Variants in A2ML1 observed in about 807,000 individuals in gnomAD.
A2ML1 encodes alpha-2-macroglobulin like 1.
A2ML1 carries 161 observed loss-of-function variants against 181.9 expected under a neutral mutation model. That is an observed-to-expected ratio of 0.89 (90% CI 0.78 to 1.01). A2ML1 has a LOEUF of 1.01. Ranked by LOEUF, A2ML1 falls within the 50% of genes least tolerant of loss-of-function variation. A2ML1 has a pLI of 0.00. For synonymous variants in A2ML1, 663 were observed against 666.8 expected, an observed-to-expected ratio of 0.99 and a Z score of 0.09; for missense variants, 1,670 against 1,768.1, an observed-to-expected ratio of 0.94 and a Z score of 1.00.
At position 8,846,152 on chromosome 12, in the gene A2ML1, C is replaced by A. The variant is rs770464330; in HGVS notation, c.1613C>A (p.Ala538Asp). 6.2e-7 allele frequency: 1 copy of A among 1,614,158 alleles called. No homozygotes were observed. The change falls in exon 14 of 36, where the codon GCC (alanine) becomes GAC (aspartate). Residue 538 changes from alanine to aspartate, a missense_variant. Coordinates refer to ENST00000299698, the MANE Select transcript of A2ML1 (RefSeq NM_144670.6). ...LAPDPSLVIY[A>D]IFPSGGVVAD... ...CCTGATCCTTCCCTGGTGATCTATGCCATTTTTCCCAGTGGAGGTGTTGTA... is the reference window on the plus strand; with the variant it reads ...CCTGATCCTTCCCTGGTGATCTATGACATTTTTCCCAGTGGAGGTGTTGTA...
chr12:8,857,804 A>G, intron 25 of A2ML1, 142 bp from the exon 26 acceptor site: 2 of 1,270,418 alleles, frequency 1.6e-6, no homozygotes, highest in Non-Finnish European at 2.2e-6. Flanking sequence ...GTGCCCATTA[A>G]TGCCTCTCTT....
At position 8,874,367 on chromosome 12, in the gene A2ML1, CAT is replaced by C; in HGVS notation, c.4222-56_4222-55del. ...AGCAAGGGTCTTTTATTCCACATTGCATACAGTGTAATTTTCATTTTACTTCT... is the reference window on the plus strand; with the variant it reads ...AGCAAGGGTCTTTTATTCCACATTGCACAGTGTAATTTTCATTTTACTTCT... On this transcript the variant is annotated intron_variant, in intron 33 of 35. Transcript: ENST00000299698. 3.0e-6 allele frequency: 4 copies of C among 1,333,420 alleles called. No individual in the cohort carries two copies. The South Asian group carries it at 4.7e-5, about 16-fold the overall frequency. 82.6% of individuals were successfully genotyped at this position (1,333,420 alleles called of 1,614,324 possible).
At chr12:8,858,241 A>C in intron 26 of A2ML1, 139 bp downstream of exon 26, 1 of 1,046,234 alleles carries the variant, frequency 9.6e-7, no homozygotes, top group Non-Finnish European at 1.3e-6. Flanking sequence ...GACCGTGATC[A>C]AAATGCTTAG....
At chr12:8,847,209 A>T in intron 14 of A2ML1, among the ~76,000 whole-genome samples, 1 of 132,576 alleles carries the variant, frequency 7.5e-6, no homozygotes, top group African/African-American at 2.9e-5. Context: ...TTGGCCTCCC[A>T]ATGTGCTGGG....
chr12:8,871,685 A>G (rs753982437), intron 33 of A2ML1, among the ~76,000 whole-genome samples: 1 of 152,278 alleles, frequency 6.6e-6, no homozygotes, highest in East Asian at 1.9e-4. Flanking sequence ...ATTTGAGACT[A>G]CATAATTAGA....
chr12:8,882,080 T>C lies in A2ML1; in HGVS notation c.*94+1464T>C, dbSNP rs757012704. On this transcript the variant is annotated intron_variant and NMD_transcript_variant, in intron 7 of 7. Transcript: ENST00000537475. ...GTGAAGATGTTGAGATAGTGGGATA[T>C]AAAGGGTCATGTCAACCATTAAAGA... 5.3e-5 allele frequency among the ~76,000 whole-genome samples: 8 copies of C among 151,838 alleles called. No homozygotes were observed. The South Asian group carries it at 6.3e-4, about 12-fold the overall frequency.
Position 8,876,702 on chromosome 12 carries a change from G to GTT in A2ML1, c.*650_*651dup, listed in dbSNP as rs1305799588. On this transcript the variant is annotated 3_prime_UTR_variant, in exon 36 of 36. Coordinates refer to ENST00000299698, the MANE Select transcript of A2ML1 (RefSeq NM_144670.6). ...AATAATAAATAATAATAATAATAATGTTTTTCTAGAGTTTCAGTCTAAGGG... is the reference window on the plus strand; with the variant it reads ...AATAATAAATAATAATAATAATAATGTTTTTTTCTAGAGTTTCAGTCTAAGGG... 3 of 151,962 alleles carry GTT rather than the reference G, an allele frequency of 2.0e-5. No individual in the cohort carries two copies. The highest frequency in any genetic ancestry group is 7.2e-5 in the African/African-American group (3 of 41,446). 9.4% of individuals were successfully genotyped at this position (151,962 alleles called of 1,614,324 possible). A position where few individuals can be genotyped will look rare whatever the true frequency, so the allele number is the denominator to read the frequency against.
At chr12:8,881,764 C>T (rs1427329498), downstream of A2ML1, among the ~76,000 whole-genome samples, 1 of 152,146 alleles carries the variant, frequency 6.6e-6, no homozygotes, top group Non-Finnish European at 1.5e-5. Flanking sequence ...GTAATCACAG[C>T]ACTTTGGGAG....
chr12:8,860,337 G>A (rs55823587), intron 26 of A2ML1, among the ~76,000 whole-genome samples: 44,230 of 152,104 alleles, frequency 0.29, 6,868 homozygotes, highest in Middle Eastern at 0.37. Flanking sequence ...ACCACTGTGC[G>A]TGACCACAAG....
chr12:8,828,378 C>T (rs1433750625), intron 3 of A2ML1, among the ~76,000 whole-genome samples: 1 of 152,152 alleles, frequency 6.6e-6, no homozygotes, highest in African/African-American at 2.4e-5. Flanking sequence ...TCTGTGGCCA[C>T]CACTACTCCA....
At chr12:8,823,469 G>C in intron 2 of A2ML1, 104 bp downstream of exon 2, 1 of 1,341,962 alleles carries the variant, frequency 7.5e-7, no homozygotes. Context: ...CTTTTGCCAC[G>C]GCCTCTAAAC....
chr12:8,845,444 A>G lies in A2ML1; in HGVS notation c.1479A>G (p.Leu493=). ...PDQEISFSYY[L]IGKGSLVMEG... ...GATTCTTTTCTTTTCTTCTTTAGTT[A>G]ATAGGGAAAGGAAGTTTGGTGATGG... is the stretch of plus-strand genomic sequence containing the variant. The change falls in exon 13 of 36, where the codon TTA becomes TTG. Residue 493 remains leucine, a splice_region_variant and synonymous_variant. Transcript: ENST00000299698. 6.2e-7 allele frequency: 1 copy of G among 1,614,070 alleles called. No individual in the cohort carries two copies. Among genetic ancestry groups the G allele is most frequent in the South Asian group, 1.1e-5 (1 of 91,078 alleles).
chr12:8,825,481 T>C (rs781719943), intron 3 of A2ML1, among the ~76,000 whole-genome samples: 5 of 152,298 alleles, frequency 3.3e-5, no homozygotes, highest in Admixed American at 2.0e-4. Context: ...GAGCTCCTTA[T>C]ATATTCTGGT....
intron 35 of A2ML1, 123 bp downstream of exon 35, chr12:8,875,135 G>A: frequency 3.9e-6 from 4 of 1,016,230 alleles, no homozygotes; most frequent in Non-Finnish European, 5.9e-6. Flanking sequence ...TGCCCAGGCT[G>A]GAGGGCAGTG....
intron 7 of A2ML1, among the ~76,000 whole-genome samples, chr12:8,884,014 G>A (rs1215091923): frequency 6.6e-6 from 1 of 151,922 alleles, no homozygotes; most frequent in Admixed American, 6.6e-5. Context: ...TTGAACTCCT[G>A]GCCTCAAGTT....
rs113039321 is a variant in A2ML1 at position 8,829,189 on chromosome 12, G to A, written c.410-538G>A. 3.3e-3 allele frequency among the ~76,000 whole-genome samples: 502 copies of A among 152,302 alleles called. 6 individuals are homozygous for A. Among genetic ancestry groups the A allele is most frequent in the African/African-American group, 0.012 (486 of 41,556 alleles). On this transcript the variant is annotated intron_variant, in intron 3 of 35. Transcript: ENST00000299698. ...CAGTTGTTCAGTTTGGTGTTACTGTGGGGGATGAGGAGGGTGGTCAATGGA... is the reference window on the plus strand; with the variant it reads ...CAGTTGTTCAGTTTGGTGTTACTGTAGGGGATGAGGAGGGTGGTCAATGGA...
intron 33 of A2ML1, among the ~76,000 whole-genome samples, chr12:8,870,284 T>C (rs1189659703): frequency 2.6e-5 from 4 of 152,174 alleles, no homozygotes; most frequent in Non-Finnish European, 2.9e-5. Context: ...TCTTTTTTTT[T>C]TGAGACGCAG....
intron 33 of A2ML1, among the ~76,000 whole-genome samples, chr12:8,869,569 T>G (rs138720235): frequency 3.3e-5 from 5 of 151,866 alleles, no homozygotes; most frequent in African/African-American, 1.2e-4. Context: ...TAATGAGATA[T>G]CTACATTCTT....
At position 8,824,184 on chromosome 12, in the gene A2ML1, T is replaced by C. The variant is rs11047443; in HGVS notation, c.409+302T>C. On this transcript the variant is annotated intron_variant, in intron 3 of 35. Coordinates refer to ENST00000299698, the MANE Select transcript of A2ML1 (RefSeq NM_144670.6). ...TTACAACAAACTGCTTGTAAATGGC[T>C]AAGAAAGCACTGAGGGCATTTGGCT... Among the ~76,000 whole-genome samples the C allele has an allele frequency of 0.57, 85,465 of 149,004 alleles. 29,395 individuals are homozygous for C. Among genetic ancestry groups the C allele is most frequent in the Non-Finnish European group, 0.78 (53,012 of 67,646 alleles).
Sources: allele counts gnomAD v4.1 joint callset (sites outside exome capture counted in the v4.1 genomes callset), GRCh38; gene constraint gnomAD v4.1.1; transcripts MANE v1.5; gene names NCBI Gene and HGNC (gene_info 2026-07-23, HGNC 2026-07-21).